The following MARCHF1 variants were observed in gnomAD, a reference collection of about 807,000 sequenced individuals.
MARCHF1 encodes the protein E3 ubiquitin-protein ligase MARCHF1.
In MARCHF1, 40 loss-of-function variants were observed where a neutral mutation model predicts 54.2. That is an observed-to-expected ratio of 0.74 (90% CI 0.57 to 0.96). MARCHF1 has a LOEUF of 0.96. Ranked by LOEUF, MARCHF1 falls within the 40% of genes least tolerant of loss-of-function variation. The pLI is 0.00. For synonymous variants in MARCHF1, 236 were observed against 236.3 expected (o/e 1.00, Z 0.01); for missense variants, 586 against 656.5 (o/e 0.89, Z 1.17).
At chr4:164,220,667 C>CTATATATGCATATATGTAATATATGTGA (rs559295765) in intron 1 of MARCHF1, among the ~76,000 whole-genome samples, 1 of 134,322 alleles carries the variant, frequency 7.4e-6, no homozygotes, top group African/African-American at 2.9e-5. Flanking sequence ...AATATATATG[C>CTATATATGCATATATGTAATATATGTGA]TATATGTATA....
chr4:163,742,540 G>T (rs917987393), intron 4 of MARCHF1, among the ~76,000 whole-genome samples: 21 of 151,668 alleles, frequency 1.4e-4, no homozygotes, highest in Admixed American at 1.3e-3. Flanking sequence ...TCAGTAGCAT[G>T]ATCACGGCTT....
At chr4:163,826,747 T>C (rs1748858530) in intron 4 of MARCHF1, among the ~76,000 whole-genome samples, 3 of 151,980 alleles carry the variant, frequency 2.0e-5, no homozygotes, top group African/African-American at 7.2e-5. Context: ...AGGACTTGCT[T>C]TGAAAGGGTA....
In MARCHF1 at chr4:164,327,197, C is replaced by A. The variant is rs560752211; in HGVS notation, c.-323+56673G>T. On this transcript the variant is annotated intron_variant, in intron 1 of 9. Transcript: ENST00000514618. ...GTTCAATAAGGAGATGAACAAGTTA[C>A]CAACAATTGCAAGTCATTGTAAAAC... Among the ~76,000 whole-genome samples the A allele has an allele frequency of 2.5e-3, 378 of 152,194 alleles. 1 individual carries two copies. Among genetic ancestry groups the A allele is most frequent in the African/African-American group, 8.4e-3 (350 of 41,528 alleles).
intron 3 of MARCHF1, among the ~76,000 whole-genome samples, chr4:163,961,903 C>T (rs1476464167): frequency 6.6e-6 from 1 of 151,878 alleles, no homozygotes; most frequent in Non-Finnish European, 1.5e-5. Flanking sequence ...AGAAGAGTTT[C>T]ACTGTGCTGT....
At chr4:164,266,646 A>G (rs1174496569) in intron 1 of MARCHF1, among the ~76,000 whole-genome samples, 2 of 152,194 alleles carry the variant, frequency 1.3e-5, no homozygotes, top group African/African-American at 4.8e-5. Flanking sequence ...TTCTTAGTTC[A>G]GAAGAGGAAA....
intron 3 of MARCHF1, among the ~76,000 whole-genome samples, chr4:163,877,600 T>A (rs956049297): frequency 2.6e-5 from 4 of 152,084 alleles, no homozygotes; most frequent in African/African-American, 9.7e-5. Context: ...TAGATTAATA[T>A]CTCCAAATCC....
intron 1 of MARCHF1, among the ~76,000 whole-genome samples, chr4:164,137,456 A>G (rs1435840314): frequency 6.6e-6 from 1 of 152,222 alleles, no homozygotes. Context: ...CAACATCAAC[A>G]GAGTGATTTT....
In MARCHF1 at chr4:164,343,303, AT is replaced by A. The variant is rs558278239; in HGVS notation, c.-323+40566del. Among the ~76,000 whole-genome samples, 21 of 152,234 alleles carry A rather than the reference AT, an allele frequency of 1.4e-4. No individual in the cohort carries two copies. In the South Asian group the frequency reaches 3.9e-3, roughly 29 times the overall value. On this transcript the variant is annotated intron_variant, in intron 1 of 9. Transcript: ENST00000514618. ...ATCATACCTCCACAAAGCTGAGGAAATTTTTTTAAATAGTCTGTTCACCAAA... is the reference window on the plus strand; with the variant it reads ...ATCATACCTCCACAAAGCTGAGGAAATTTTTTAAATAGTCTGTTCACCAAA...
rs768157140 is a variant in MARCHF1 at position 163,554,271 on chromosome 4, G to A, written c.1192-8528C>T. On this transcript the variant is annotated intron_variant, in intron 8 of 9. Transcript: ENST00000514618. The stretch of plus-strand genomic sequence containing the variant: ...CGTTAGTTTACAATGTGAGGAATAC[G>A]CCACTAAGAATTGTGACTCAGTGGT... 4.6e-5 allele frequency among the ~76,000 whole-genome samples: 7 copies of A among 152,298 alleles called. No homozygotes were observed. In the East Asian group the frequency reaches 5.8e-4, roughly 13 times the overall value.
At chr4:164,314,293 G>A (rs1344929204) in intron 1 of MARCHF1, among the ~76,000 whole-genome samples, 2 of 152,202 alleles carry the variant, frequency 1.3e-5, no homozygotes, top group Non-Finnish European at 2.9e-5. Flanking sequence ...TTGCTAGCAA[G>A]AGAGAGCCAT....
rs1752861022 is a variant in MARCHF1 at position 163,986,246 on chromosome 4, C to CTT, written c.-39+2253_-39+2254dup. Reference sequence around the variant, plus strand: ...CCTTTCCTTTTCTCCTAATTAACCTCTTCTTTTTTTTTTTTTTTTTTTTTT... The same window carrying CTT: ...CCTTTCCTTTTCTCCTAATTAACCTCTTTTCTTTTTTTTTTTTTTTTTTTTTT... On this transcript the variant is annotated intron_variant, in intron 3 of 9. Coordinates refer to ENST00000514618, the MANE Select transcript of MARCHF1 (RefSeq NM_001394959.1). Among the ~76,000 whole-genome samples the CTT allele has an allele frequency of 1.1e-4, 8 of 73,758 alleles. 1 individual carries two copies. Among genetic ancestry groups the CTT allele is most frequent in the Admixed American group, 1.9e-4 (1 of 5,158 alleles). 48.4% of individuals were successfully genotyped at this position (73,758 alleles called of 152,430 possible).
intron 1 of MARCHF1, among the ~76,000 whole-genome samples, chr4:164,364,546 C>G (rs148481384): frequency 6.6e-6 from 1 of 152,054 alleles, no homozygotes; most frequent in Non-Finnish European, 1.5e-5. Flanking sequence ...CATTTTACAA[C>G]TCTCCATATT....
intron 3 of MARCHF1, among the ~76,000 whole-genome samples, chr4:163,924,245 T>C (rs918718925): frequency 3.3e-5 from 5 of 152,042 alleles, no homozygotes; most frequent in Admixed American, 2.0e-4. Flanking sequence ...AAGATCCTCT[T>C]TTAGAAAGTA....
intron 1 of MARCHF1, among the ~76,000 whole-genome samples, chr4:164,178,466 G>T (rs1337873003): frequency 6.6e-6 from 1 of 152,196 alleles, no homozygotes; most frequent in Admixed American, 6.5e-5. Context: ...CAGGCTGGTT[G>T]CAGGAAAGAG....
chr4:164,047,234 A>C (rs1400730445), intron 2 of MARCHF1, among the ~76,000 whole-genome samples: 1 of 56,732 alleles, frequency 1.8e-5, no homozygotes, highest in Non-Finnish European at 2.9e-5. Flanking sequence ...AAGCAGCAAG[A>C]AAAAAGGCAC....
chr4:163,614,349 C>A (rs924078135), intron 5 of MARCHF1, among the ~76,000 whole-genome samples: 1 of 152,008 alleles, frequency 6.6e-6, no homozygotes, highest in Non-Finnish European at 1.5e-5. Flanking sequence ...CATGTTACAG[C>A]TGAGGAAACT....
chr4:164,031,433 C>CAA lies in MARCHF1; in HGVS notation c.-247-42726_-247-42725dup, dbSNP rs34945314. 2.8e-3 allele frequency among the ~76,000 whole-genome samples: 417 copies of CAA among 150,228 alleles called. 2 individuals carry two copies. The highest frequency in any genetic ancestry group is 4.5e-3 in the Non-Finnish European group (304 of 67,682). On this transcript the variant is annotated intron_variant, in intron 2 of 9. Transcript: ENST00000514618. ...GGTATCTATTATATTATTTTTTTTT[C>CAA]AAAAAAACCATTCAGTATGATATTG...
At chr4:163,788,755 G>A (rs1460813746) in intron 4 of MARCHF1, among the ~76,000 whole-genome samples, 1 of 151,980 alleles carries the variant, frequency 6.6e-6, no homozygotes, top group Non-Finnish European at 1.5e-5. Flanking sequence ...GCATCTGACA[G>A]CTTTTTGCTT....
At chr4:164,351,241 C>A (rs35284389) in intron 1 of MARCHF1, among the ~76,000 whole-genome samples, 5 of 145,104 alleles carry the variant, frequency 3.4e-5, no homozygotes, top group African/African-American at 1.0e-4. Flanking sequence ...CTGGAAGCTC[C>A]AACTGGGTGG....
Sources: gnomAD v4.1 joint callset for allele counts (sites outside exome capture counted in the v4.1 genomes callset) on GRCh38, gnomAD v4.1.1 for gene constraint, MANE v1.5 for transcripts, NCBI Gene and HGNC (gene_info 2026-07-23, HGNC 2026-07-21) for gene names.